The following FDXACB1 variants were observed in gnomAD, a reference collection of about 807,000 sequenced individuals.
FDXACB1 encodes ferredoxin-fold anticodon-binding domain-containing protein 1.
A neutral mutation model predicts 51.7 loss-of-function variants in FDXACB1; 41 were observed. That is an observed-to-expected ratio of 0.79 (90% CI 0.62 to 1.03). The LOEUF is 1.03. Among genes scored for constraint, FDXACB1 ranks in the 50% least tolerant of loss-of-function variants. FDXACB1 has a pLI of 0.00. For synonymous variants in FDXACB1, 273 were observed against 278.6 expected (o/e 0.98, Z 0.20); for missense variants, 697 against 746.4 (o/e 0.93, Z 0.77).
Position 111,879,007 on chromosome 11 carries a change from A to T in FDXACB1, c.126T>A (p.Ala42=). 4 of 1,612,720 alleles carry T rather than the reference A, an allele frequency of 2.5e-6. No homozygotes were observed. Among genetic ancestry groups the T allele is most frequent in the Non-Finnish European group, 3.4e-6 (4 of 1,179,518 alleles). ...ATCLQRPAEL[A]RDPLAWENLQ... ...GATTCTCCCAGGCCAGTGGATCCCG[A>T]GCCAACTCGGCCGGGCGCTGGAGGC... The change falls in exon 1 of 5, where the codon GCT becomes GCA. Residue 42 remains alanine, a synonymous_variant. Coordinates refer to ENST00000260257, the MANE Select transcript of FDXACB1 (RefSeq NM_138378.3).
chr11:111,875,573 AAGAC>A lies in FDXACB1; in HGVS notation c.1220_1223del (p.Cys407PhefsTer8). 6.2e-7 allele frequency: 1 copy of A among 1,612,042 alleles called. No individual in the cohort carries two copies. Among genetic ancestry groups the A allele is most frequent in the South Asian group, 1.1e-5 (1 of 90,966 alleles). ...CCTTCAGATGATCCAGCAGTGATTGAAGACAGCCATCCTTCAGATTTTGATTAAC... is the reference window on the plus strand; with the variant it reads ...CCTTCAGATGATCCAGCAGTGATTGAAGCCATCCTTCAGATTTTGATTAAC... On this transcript the variant is annotated frameshift_variant, in exon 5 of 5. Transcript: ENST00000260257. LOFTEE classifies it high-confidence loss of function.
Position 111,875,074 on chromosome 11 carries a change from G to T in FDXACB1, c.1723C>A (p.Arg575Ser). The T allele has an allele frequency of 6.2e-7, 1 of 1,613,886 alleles. No individual in the cohort carries two copies. Among genetic ancestry groups the T allele is most frequent in the Non-Finnish European group, 8.5e-7 (1 of 1,179,892 alleles). ...DTIISIQFLS[R>S]FQHPKTQQVS... The stretch of plus-strand genomic sequence containing the variant: ...TGTTGAGTCTTTGGATGCTGGAAAC[G>T]GCTAAGAAACTGTATGGATATAATA... The change falls in exon 5 of 5, where the codon CGT becomes AGT. Residue 575 changes from arginine to serine, a missense_variant. Transcript: ENST00000260257.
chr11:111,876,787 T>C, intron 3 of FDXACB1, 21 bp downstream of exon 3: 1 of 1,612,528 alleles, frequency 6.2e-7, no homozygotes. Flanking sequence ...GCAGAAGGCT[T>C]AAACCTATGC....
chr11:111,875,276 C>G lies in FDXACB1; in HGVS notation c.1521G>C (p.Leu507Phe). 1 of 1,613,934 alleles carries G rather than the reference C, an allele frequency of 6.2e-7. No individual in the cohort carries two copies. The highest frequency in any genetic ancestry group is 2.2e-5 in the East Asian group (1 of 44,890). The change falls in exon 5 of 5, where the codon TTG becomes TTC. Residue 507 changes from leucine to phenylalanine, a missense_variant. This residue lies in a region of FDXACB1 where 538 missense variants were observed against 592.2 expected (regional missense o/e 0.91). Coordinates refer to ENST00000260257, the MANE Select transcript of FDXACB1 (RefSeq NM_138378.3). ...LVWCISDWRMLWTFDNRFLKN... is the reference protein window; with the variant it reads ...LVWCISDWRMFWTFDNRFLKN... ...TCAGGAAACGGTTATCAAACGTCCA[C>G]AACATTCTCCAGTCAGAGATACACC...
In FDXACB1 at chr11:111,874,955, C is replaced by T. The variant is rs1555161821; in HGVS notation, c.1842G>A (p.Glu614=). The change falls in exon 5 of 5, where the codon GAG becomes GAA. Residue 614 remains glutamate, a synonymous_variant. Coordinates refer to ENST00000260257, the MANE Select transcript of FDXACB1 (RefSeq NM_138378.3). Reference sequence around the variant, plus strand: ...GTATAACATATAGGTGTTGTTGAATCTCCTTCCTAAACTGGGACTGCATTG... The same window carrying T: ...GTATAACATATAGGTGTTGTTGAATTTCCTTCCTAAACTGGGACTGCATTG... The part of the protein sequence containing the change: ...VASMQSQFRK[E]IQQHLYVIPR The T allele has an allele frequency of 6.2e-7, 1 of 1,613,868 alleles. No individual in the cohort carries two copies. Among genetic ancestry groups the T allele is most frequent in the East Asian group, 2.2e-5 (1 of 44,896 alleles).
At chr11:111,877,990 A>G (rs1381780758) in intron 2 of FDXACB1, among the ~76,000 whole-genome samples, 2 of 151,970 alleles carry the variant, frequency 1.3e-5, no homozygotes, top group Non-Finnish European at 2.9e-5. Context: ...GATCGACACC[A>G]TCCTGGCTAA....
rs782117042 is a variant in FDXACB1 at position 111,879,134 on chromosome 11, G to A, written c.-2C>T. ...CAACAGGAGGCGCCGAGGGGCCATG[G>A]CCTCCACGGACTCCCGGCTCGCGTT... On this transcript the variant is annotated 5_prime_UTR_variant, in exon 1 of 5. Transcript: ENST00000260257. The A allele has an allele frequency of 6.2e-7, 1 of 1,607,040 alleles. No homozygotes were observed. Among genetic ancestry groups the A allele is most frequent in the Non-Finnish European group, 8.5e-7 (1 of 1,176,802 alleles).
rs782215561 is a variant in FDXACB1 at position 111,875,968 on chromosome 11, G to T, written c.829C>A (p.Leu277Ile). 5 of 1,613,854 alleles carry T rather than the reference G, an allele frequency of 3.1e-6. No individual in the cohort carries two copies. The highest frequency in any genetic ancestry group is 4.2e-6 in the Non-Finnish European group (5 of 1,179,902). Residue 277 changes from leucine to isoleucine, a missense_variant, in exon 5 of 5, where the codon CTT becomes ATT. Physicochemically the swap from Leu to Ile is conservative, Grantham distance 5. Around this residue, in one of 3 missense-constraint regions of FDXACB1, gnomAD observed 538 missense variants for 592.2 expected, o/e 0.91. Transcript: ENST00000260257. ...AGAAAGTCACAATTCCAGAAAGGAA[G>T]AACACTGGTACCTTCCTGTGGCAGC... ...PLLPQEGTSV[L>I]PFWNCDFLSA...
Position 111,875,170 on chromosome 11 carries a change from A to G in FDXACB1, c.1627T>C (p.Trp543Arg). 1.2e-6 allele frequency: 2 copies of G among 1,613,820 alleles called. No individual in the cohort carries two copies. The highest frequency in any genetic ancestry group is 2.2e-5 in the East Asian group (1 of 44,890). Residue 543 changes from tryptophan (W) to arginine (R), a missense_variant, in exon 5 of 5, where the codon TGG becomes CGG. Transcript: ENST00000260257. ...TCAAATCCTTTCTTCTGATCTATCC[A>G]AAAACTAACATCATGCACATAACAT... ...PPCYVHDVSF[W>R]IDQKKGFDEL...
At position 111,878,609 on chromosome 11, in the gene FDXACB1, TCCACAATGCGGGA is replaced by T; in HGVS notation, c.263_275del (p.Phe88TyrfsTer6). The T allele has an allele frequency of 6.2e-7, 1 of 1,603,764 alleles. No homozygotes were observed. The highest frequency in any genetic ancestry group is 8.5e-7 in the Non-Finnish European group (1 of 1,174,882). On this transcript the variant is annotated frameshift_variant, in exon 2 of 5. Transcript: ENST00000260257. LOFTEE classifies it high-confidence loss of function. Reference sequence around the variant, plus strand: ...TGTTCTTAGCTACGCCAGCTTTGCGTCCACAATGCGGGAAGATGAAATAAATTTGATCAAATTC... The same window carrying T: ...TGTTCTTAGCTACGCCAGCTTTGCGTAGATGAAATAAATTTGATCAAATTC...
At chr11:111,878,921 G>T (rs1555162609) in intron 1 of FDXACB1, 40 bp downstream of exon 1, 1 of 1,567,074 alleles carries the variant, frequency 6.4e-7, no homozygotes. Context: ...GGGACGCGCC[G>T]GCCGCTGGGC....
rs782107850 is a variant in FDXACB1 at position 111,879,040 on chromosome 11, G to C, written c.93C>G (p.Thr31=). The C allele has an allele frequency of 6.2e-7, 1 of 1,613,542 alleles. No homozygotes were observed. Among genetic ancestry groups the C allele is most frequent in the African/African-American group, 1.3e-5 (1 of 74,926 alleles). ...SETLDQSTQL[T]ATCLQRPAEL... is the part of the protein sequence containing the mutation. ...CGGCCGGGCGCTGGAGGCAGGTGGC[G>C]GTAAGTTGAGTGCTCTGATCCAGGG... is the stretch of plus-strand genomic sequence containing the variant. Residue 31 remains threonine (T), a synonymous_variant, in exon 1 of 5, where the codon ACC becomes ACG. Transcript: ENST00000260257.
intron 2 of FDXACB1, among the ~76,000 whole-genome samples, chr11:111,877,440 T>G (rs1483800660): frequency 6.6e-6 from 1 of 152,124 alleles, no homozygotes; most frequent in Non-Finnish European, 1.5e-5. Flanking sequence ...CCTCCAATAG[T>G]ATCATGTCTT....
chr11:111,874,473 G>A lies in FDXACB1; in HGVS notation c.*449C>T, dbSNP rs541164416. The A allele has an allele frequency of 2.8e-4, 45 of 158,370 alleles. No individual in the cohort carries two copies. Among genetic ancestry groups the A allele is most frequent in the African/African-American group, 9.4e-4 (39 of 41,536 alleles). The allele number at this position is 158,370 out of a possible 1,614,324, so 9.8% of individuals were successfully genotyped here. On this transcript the variant is annotated 3_prime_UTR_variant, in exon 5 of 5. Coordinates refer to ENST00000260257, the MANE Select transcript of FDXACB1 (RefSeq NM_138378.3). ...CTTTAAGATCAACTAACAGTAGGCC[G>A]GGCGCGGTGGCTCACATCTATAATC...
At position 111,874,545 on chromosome 11, in the gene FDXACB1, T is replaced by G. The variant is rs1054258711; in HGVS notation, c.*377A>C. On this transcript the variant is annotated 3_prime_UTR_variant, in exon 5 of 5. Transcript: ENST00000260257. ...GCAGGCAGATCACGAGGCCGGGAGATTGAGACCATCCTGGCTAACACGGTG... is the reference window on the plus strand; with the variant it reads ...GCAGGCAGATCACGAGGCCGGGAGAGTGAGACCATCCTGGCTAACACGGTG... 2.3e-5 allele frequency: 4 copies of G among 175,770 alleles called. No individual in the cohort carries two copies. Among genetic ancestry groups the G allele is most frequent in the Admixed American group, 5.6e-5 (1 of 18,000 alleles). The allele number at this position is 175,770 out of a possible 1,614,324, so 10.9% of individuals were successfully genotyped here. A position where few individuals can be genotyped will look rare whatever the true frequency, so the allele number is the denominator to read the frequency against.
rs1292084661 is a variant in FDXACB1, at chr11:111,876,497, C to A, written c.676G>T (p.Val226Leu). The change falls in exon 4 of 5, where the codon GTA becomes TTA. Residue 226 changes from valine to leucine, a missense_variant. Physicochemically the swap from Val to Leu is conservative, Grantham distance 32. This residue lies in a region of FDXACB1 where 538 missense variants were observed against 592.2 expected (regional missense o/e 0.91). Transcript: ENST00000260257. ...WFSFPEPEALVGKLNRGFLEA... is the reference protein window; with the variant it reads ...WFSFPEPEALLGKLNRGFLEA... ...ACTGGTTACCTGTTCAACTTTCCTA[C>A]AAGTGCTTCTGGTTCTGGAAAGGAA... 2 of 1,613,548 alleles carry A rather than the reference C, an allele frequency of 1.2e-6. No homozygotes were observed. Among genetic ancestry groups the A allele is most frequent in the African/African-American group, 2.7e-5 (2 of 74,924 alleles).
In FDXACB1 at chr11:111,879,103, C is replaced by A. The variant is rs371548528; in HGVS notation, c.30G>T (p.Gly10=). MAPRRLLLV[G]EGNFSFAAAL... ...CGGCGGCGAAGGAGAAATTCCCCTC[C>A]CCAACCAACAGGAGGCGCCGAGGGG... Residue 10 remains glycine (G), a synonymous_variant, in exon 1 of 5, where the codon GGG becomes GGT. Coordinates refer to ENST00000260257, the MANE Select transcript of FDXACB1 (RefSeq NM_138378.3). 6.2e-7 allele frequency: 1 copy of A among 1,613,006 alleles called. No homozygotes were observed. Among genetic ancestry groups the A allele is most frequent in the Non-Finnish European group, 8.5e-7 (1 of 1,179,326 alleles).
intron 2 of FDXACB1, among the ~76,000 whole-genome samples, chr11:111,878,106 G>A (rs1964858882): frequency 6.6e-6 from 1 of 152,024 alleles, no homozygotes; most frequent in Admixed American, 6.5e-5. Flanking sequence ...AGAATGGCGT[G>A]AACCCAGTAG....
chr11:111,874,684 G>A lies in FDXACB1; in HGVS notation c.*238C>T. The A allele has an allele frequency of 4.6e-6, 2 of 435,628 alleles. No homozygotes were observed. Among genetic ancestry groups the A allele is most frequent in the South Asian group, 3.2e-5 (1 of 31,118 alleles). The allele number at this position is 435,628 out of a possible 1,614,324, so 27.0% of individuals were successfully genotyped here. On this transcript the variant is annotated 3_prime_UTR_variant, in exon 5 of 5. Transcript: ENST00000260257. ...GCAGGAGAATGGCATGAACCTGGGA[G>A]GTGGAGCTTATAGTGAGCTGATATC... is the stretch of plus-strand genomic sequence containing the variant.
Sources: gnomAD v4.1 joint callset for allele counts (sites outside exome capture counted in the v4.1 genomes callset) on GRCh38, gnomAD v4.1.1 for gene constraint, gnomAD v4.1.1 regional missense constraint, MANE v1.5 for transcripts, NCBI Gene and HGNC (gene_info 2026-07-23, HGNC 2026-07-21) for gene names.